Variants in NPAS3 observed in about 807,000 individuals in gnomAD.
The protein encoded by NPAS3 is neuronal PAS domain-containing protein 3.
NPAS3 carries 14 observed loss-of-function variants against 73.1 expected under a neutral mutation model. The ratio of observed to expected loss-of-function variants is 0.19; its 90% CI spans 0.13 to 0.30. The LOEUF (loss-of-function observed/expected upper bound fraction) is 0.30. Among genes scored for constraint, NPAS3 ranks in the 10% least tolerant of loss-of-function variants. The probability of loss-of-function intolerance (pLI) is 1.00; values close to 1 mark genes in which losing one functional copy is unlikely to be tolerated. For missense variants in NPAS3, 1,096 were observed against 1,250.0 expected, an observed-to-expected ratio of 0.88 and a Z score of 1.86; for synonymous variants, 620 against 541.5, an observed-to-expected ratio of 1.14 and a Z score of -2.01.
intron 1 of NPAS3, among the ~76,000 whole-genome samples, chr14:32,974,641 G>T (rs182594525): frequency 6.6e-6 from 1 of 152,258 alleles, no homozygotes; most frequent in Non-Finnish European, 1.5e-5. Context: ...GTCTCTGTTG[G>T]TTCTCTTAGT....
intron 4 of NPAS3, among the ~76,000 whole-genome samples, chr14:33,465,880 A>T (rs1370552520): frequency 2.0e-5 from 3 of 152,288 alleles, no homozygotes; most frequent in Admixed American, 2.0e-4. Flanking sequence ...GAATCACACG[A>T]GATCCAACAG....
At chr14:33,191,440 T>TAG (rs1376525609) in intron 2 of NPAS3, among the ~76,000 whole-genome samples, 1 of 152,160 alleles carries the variant, frequency 6.6e-6, no homozygotes, top group East Asian at 1.9e-4. Flanking sequence ...GGTGACAGTA[T>TAG]AGGATGGCAA....
intron 5 of NPAS3, among the ~76,000 whole-genome samples, chr14:33,609,026 AT>A (rs2057666351): frequency 6.6e-6 from 1 of 152,146 alleles, no homozygotes; most frequent in Non-Finnish European, 1.5e-5. Context: ...CAGTGGGAAT[AT>A]TTTTTAAATG....
intron 3 of NPAS3, among the ~76,000 whole-genome samples, chr14:33,218,373 T>TA (rs2047301535): frequency 1.3e-5 from 2 of 152,214 alleles, no homozygotes; most frequent in Admixed American, 1.3e-4. Flanking sequence ...GGTTCTACTG[T>TA]AAAATATATG....
At chr14:33,265,490 C>A (rs145018106) in intron 3 of NPAS3, among the ~76,000 whole-genome samples, 1 of 84,026 alleles carries the variant, frequency 1.2e-5, no homozygotes, top group African/African-American at 3.6e-5. Context: ...TTGGTAAGAG[C>A]AATGCATTAC....
At chr14:33,626,415 T>C (rs1233263104) in intron 5 of NPAS3, among the ~76,000 whole-genome samples, 1 of 152,166 alleles carries the variant, frequency 6.6e-6, no homozygotes, top group Non-Finnish European at 1.5e-5. Context: ...ACAAGATGTT[T>C]TACAAGACTT....
intron 5 of NPAS3, among the ~76,000 whole-genome samples, chr14:33,643,375 TAAAAAAAAA>T (rs755879056): frequency 4.2e-5 from 4 of 94,666 alleles, no homozygotes; most frequent in Non-Finnish European, 8.2e-5. Flanking sequence ...AAATAAAAAT[TAAAAAAAAA>T]AAAAAAAAAA....
intron 4 of NPAS3, among the ~76,000 whole-genome samples, chr14:33,466,496 G>A (rs148214828): frequency 0.016 from 2,400 of 152,288 alleles, 31 homozygotes; most frequent in Middle Eastern, 0.037. Flanking sequence ...TTGAGAAGAC[G>A]TGGGAAGACT....
chr14:33,026,062 T>A (rs1452646867), intron 1 of NPAS3, among the ~76,000 whole-genome samples: 2 of 152,232 alleles, frequency 1.3e-5, no homozygotes, highest in Non-Finnish European at 2.9e-5. Context: ...TAGCAGCCTC[T>A]TCTCTTGTCT....
chr14:33,735,893 A>G (rs920770291), intron 7 of NPAS3, among the ~76,000 whole-genome samples: 6 of 152,186 alleles, frequency 3.9e-5, no homozygotes, highest in African/African-American at 1.4e-4. Flanking sequence ...AGTTCCTCAC[A>G]AGCAAAGACC....
intron 4 of NPAS3, among the ~76,000 whole-genome samples, chr14:33,418,034 C>A (rs527883387): frequency 7.4e-6 from 1 of 134,742 alleles, no homozygotes; most frequent in Admixed American, 7.7e-5. Flanking sequence ...AGATAATGAA[C>A]AAAAGCAATG....
rs527942935 is a variant in NPAS3, at chr14:33,097,596, A to T, written c.140+41602A>T. 2.0e-5 allele frequency among the ~76,000 whole-genome samples: 3 copies of T among 152,340 alleles called. No individual in the cohort carries two copies. The East Asian group carries it at 5.8e-4, about 29-fold the overall frequency. On this transcript the variant is annotated intron_variant, in intron 2 of 11. Coordinates refer to ENST00000356141, the Ensembl canonical transcript of NPAS3. ...ATATGCATATGATTATCTTTTGTAG[A>T]TAATGCCAATTTTCCAAAGTGGTTG...
At chr14:33,109,552 A>C (rs1351190202) in intron 2 of NPAS3, among the ~76,000 whole-genome samples, 6 of 152,214 alleles carry the variant, frequency 3.9e-5, no homozygotes, top group Non-Finnish European at 1.5e-5. Context: ...CTTTGGTAAA[A>C]TACTGCATTT....
chr14:33,573,599 G>C (rs2056318213), intron 5 of NPAS3, among the ~76,000 whole-genome samples: 1 of 152,192 alleles, frequency 6.6e-6, no homozygotes, highest in Admixed American at 6.5e-5. Flanking sequence ...CAGGCAAAGG[G>C]AGGCATGTAT....
intron 3 of NPAS3, among the ~76,000 whole-genome samples, chr14:33,222,840 A>G (rs370272891): frequency 6.6e-5 from 10 of 152,186 alleles, no homozygotes; most frequent in African/African-American, 2.2e-4. Context: ...AAGAAGAGTA[A>G]AACAAGGAAG....
intron 5 of NPAS3, among the ~76,000 whole-genome samples, chr14:33,569,291 A>C (rs2056103860): frequency 6.6e-6 from 1 of 152,228 alleles, no homozygotes; most frequent in Non-Finnish European, 1.5e-5. Flanking sequence ...TTTTGAGAGC[A>C]AGAGAATGTA....
chr14:32,962,745 T>C lies in NPAS3; in HGVS notation c.50+23379T>C, dbSNP rs148393534. 9.0e-3 allele frequency among the ~76,000 whole-genome samples: 1,364 copies of C among 151,658 alleles called. 14 individuals are homozygous for C. The highest frequency in any genetic ancestry group is 0.013 in the Non-Finnish European group (889 of 67,886). On this transcript the variant is annotated intron_variant, in intron 1 of 11. Coordinates refer to ENST00000356141, the Ensembl canonical transcript of NPAS3. ...GCCTGGCTAATTTTTGTATTTTTAG[T>C]AGAGACGGGGTTTCACCATGTTGGT...
At chr14:33,650,224 G>C (rs1293941949) in intron 5 of NPAS3, among the ~76,000 whole-genome samples, 1 of 152,176 alleles carries the variant, frequency 6.6e-6, no homozygotes, top group African/African-American at 2.4e-5. Flanking sequence ...AGAGAACAGA[G>C]GTTGCTTGTA....
At chr14:33,177,068 C>A (rs2045613172) in intron 2 of NPAS3, among the ~76,000 whole-genome samples, 1 of 70,720 alleles carries the variant, frequency 1.4e-5, no homozygotes, top group Non-Finnish European at 2.8e-5. Context: ...GGCTGTTTAT[C>A]TTTTTATTAT....
Sources: allele counts gnomAD v4.1 joint callset (sites outside exome capture counted in the v4.1 genomes callset), GRCh38; gene constraint gnomAD v4.1.1; transcripts MANE v1.5; gene names NCBI Gene and HGNC (gene_info 2026-07-23, HGNC 2026-07-21).